Variants in CA8 observed in about 807,000 individuals in gnomAD.
CA8 encodes the protein carbonic anhydrase 8 (inactive).
A neutral mutation model predicts 41.4 loss-of-function variants in CA8; 22 were observed. The ratio of observed to expected loss-of-function variants is 0.53; its 90% CI spans 0.38 to 0.76. The LOEUF (loss-of-function observed/expected upper bound fraction) is 0.76. Ranked by LOEUF, CA8 falls within the 30% of genes least tolerant of loss-of-function variation. CA8 has a pLI of 0.00. For synonymous variants in CA8, 121 were observed against 130.6 expected (o/e 0.93, Z 0.50); for missense variants, 270 against 352.8 (o/e 0.77, Z 1.88).
chr8:60,253,527 T>C (rs1808520616), intron 3 of CA8, among the ~76,000 whole-genome samples: 1 of 152,112 alleles, frequency 6.6e-6, no homozygotes, highest in Non-Finnish European at 1.5e-5. Flanking sequence ...ACATCTTTTT[T>C]TCCCATTCAC....
Position 60,191,587 on chromosome 8 carries a change from T to C in CA8, c.*36-1602A>G. Reference sequence around the variant, plus strand: ...GCATTGCAAATCTCCAAAAGGAGGATATTATTACATCCAGGATTCTCCAGA... The same window carrying C: ...GCATTGCAAATCTCCAAAAGGAGGACATTATTACATCCAGGATTCTCCAGA... On this transcript the variant is annotated intron_variant, in intron 8 of 8. Transcript: ENST00000317995. 1.3e-5 allele frequency among the ~76,000 whole-genome samples: 2 copies of C among 152,108 alleles called. 1 individual carries two copies. Among genetic ancestry groups the C allele is most frequent in the Admixed American group, 1.3e-4 (2 of 15,248 alleles).
intron 2 of CA8, among the ~76,000 whole-genome samples, chr8:60,274,787 T>C (rs1585937142): frequency 6.6e-6 from 1 of 152,148 alleles, no homozygotes; most frequent in Non-Finnish European, 1.5e-5. Flanking sequence ...AATAAATTTC[T>C]ATTATTTATA....
At chr8:60,258,809 A>G (rs1803638399) in intron 3 of CA8, among the ~76,000 whole-genome samples, 1 of 152,056 alleles carries the variant, frequency 6.6e-6, no homozygotes, top group Non-Finnish European at 1.5e-5. Context: ...CTCCTATGAA[A>G]ATTTAATGCC....
intron 4 of CA8, among the ~76,000 whole-genome samples, chr8:60,230,109 G>A (rs1203039067): frequency 6.6e-6 from 1 of 152,138 alleles, no homozygotes; most frequent in Non-Finnish European, 1.5e-5. Context: ...TGCTTTGTGT[G>A]TCTCAGAGAT....
chr8:60,281,207 C>A lies in CA8; in HGVS notation c.-60G>T, dbSNP rs1191445544. On this transcript the variant is annotated 5_prime_UTR_variant, in exon 1 of 9. Coordinates refer to ENST00000317995, the MANE Select transcript of CA8 (RefSeq NM_004056.6). ...GCAGTGCCTGCGCCTTCGCTGGGCG[C>A]GGGGCTGGAGCCGGAGCGGAGCGCG... 9.7e-6 allele frequency: 12 copies of A among 1,236,464 alleles called. No homozygotes were observed. The East Asian group carries it at 2.8e-4, about 29-fold the overall frequency. 76.6% of individuals were successfully genotyped at this position (1,236,464 alleles called of 1,614,324 possible). A position where few individuals can be genotyped will look rare whatever the true frequency, so the allele number is the denominator to read the frequency against.
intron 7 of CA8, among the ~76,000 whole-genome samples, chr8:60,216,099 C>T (rs1807012429): frequency 6.6e-6 from 1 of 152,210 alleles, no homozygotes; most frequent in Non-Finnish European, 1.5e-5. Context: ...TGTCAAGCAT[C>T]TCTCTCCTCC....
chr8:60,195,200 A>G (rs1563518066), intron 8 of CA8, among the ~76,000 whole-genome samples: 1 of 152,218 alleles, frequency 6.6e-6, no homozygotes, highest in East Asian at 1.9e-4. Flanking sequence ...GATGACCTCA[A>G]AGTATGGCCA....
At chr8:60,280,678 ACT>A (rs1391977915) in intron 1 of CA8, among the ~76,000 whole-genome samples, 2 of 152,242 alleles carry the variant, frequency 1.3e-5, no homozygotes, top group African/African-American at 4.8e-5. Context: ...TCACGCTAAC[ACT>A]GTCTTCCTCA....
chr8:60,252,882 G>T (rs1206859233), intron 3 of CA8, among the ~76,000 whole-genome samples: 1 of 152,014 alleles, frequency 6.6e-6, no homozygotes. Context: ...AAGCATTCCA[G>T]ATAGGGCTAC....
intron 4 of CA8, 81 bp from the exon 5 acceptor site, chr8:60,227,016 G>A (rs1807464191): frequency 1.0e-6 from 1 of 987,246 alleles, no homozygotes; most frequent in Non-Finnish European, 1.6e-6. Context: ...ATAGGGCTGA[G>A]TGTGGTGGCT....
chr8:60,226,409 C>G (rs1807441000), intron 5 of CA8, among the ~76,000 whole-genome samples: 1 of 152,200 alleles, frequency 6.6e-6, no homozygotes, highest in African/African-American at 2.4e-5. Flanking sequence ...CCAATTGGAA[C>G]AGATAAGCTG....
intron 3 of CA8, among the ~76,000 whole-genome samples, chr8:60,250,491 ATTC>A (rs1287754104): frequency 6.6e-6 from 1 of 151,980 alleles, no homozygotes; most frequent in African/African-American, 2.4e-5. Flanking sequence ...AGCTCTCCAC[ATTC>A]TTCTTTCCCC....
chr8:60,275,398 A>G (rs1168363018), intron 2 of CA8, among the ~76,000 whole-genome samples: 9 of 152,188 alleles, frequency 5.9e-5, no homozygotes, highest in Middle Eastern at 3.2e-3. Context: ...GATAGAAAAG[A>G]AGCAATATAG....
At chr8:60,233,949 A>G (rs1334636753) in intron 3 of CA8, among the ~76,000 whole-genome samples, 1 of 152,182 alleles carries the variant, frequency 6.6e-6, no homozygotes, top group African/African-American at 2.4e-5. Context: ...CCACTCCTTA[A>G]GTGTGCACTG....
At chr8:60,227,794 C>G (rs79703979) in intron 4 of CA8, among the ~76,000 whole-genome samples, 1 of 152,010 alleles carries the variant, frequency 6.6e-6, no homozygotes, top group African/African-American at 2.4e-5. Flanking sequence ...CTTTTTATAG[C>G]CTTCTTTTTA....
At chr8:60,216,826 TG>T (rs1273320380) in intron 7 of CA8, among the ~76,000 whole-genome samples, 1 of 152,218 alleles carries the variant, frequency 6.6e-6, no homozygotes, top group East Asian at 1.9e-4. Context: ...GAAATGGGAA[TG>T]TTGGGCACTC....
chr8:60,226,796 C>T, intron 5 of CA8, 77 bp downstream of exon 5: 2 of 792,708 alleles, frequency 2.5e-6, no homozygotes, highest in Non-Finnish European at 4.5e-6. Context: ...CCTTCTAACA[C>T]AGCATCGAGC....
chr8:60,242,577 A>G (rs1264786776), intron 3 of CA8, among the ~76,000 whole-genome samples: 2 of 152,174 alleles, frequency 1.3e-5, no homozygotes, highest in Non-Finnish European at 2.9e-5. Context: ...TAGGGAAAGG[A>G]AGGGAGAATG....
intron 2 of CA8, among the ~76,000 whole-genome samples, chr8:60,276,643 T>C (rs1003526854): frequency 1.8e-4 from 27 of 152,140 alleles, no homozygotes; most frequent in Admixed American, 1.7e-3. Context: ...AGAAATTACA[T>C]AATGGATACA....
Sources: gnomAD v4.1 joint callset for allele counts (sites outside exome capture counted in the v4.1 genomes callset) on GRCh38, gnomAD v4.1.1 for gene constraint, MANE v1.5 for transcripts, NCBI Gene and HGNC (gene_info 2026-07-23, HGNC 2026-07-21) for gene names.